Variants in PDE11A observed in about 807,000 individuals in gnomAD.
PDE11A encodes the protein dual 3',5'-cyclic-AMP and -GMP phosphodiesterase 11A.
PDE11A carries 100 observed loss-of-function variants against 100.5 expected under a neutral mutation model. The observed-to-expected ratio is 1.00, with a 90% CI of 0.85 to 1.18. The LOEUF (loss-of-function observed/expected upper bound fraction) is 1.18. Ranked by LOEUF, PDE11A falls within the 50% of genes most tolerant of loss-of-function variation. PDE11A has a pLI of 0.00. For synonymous variants in PDE11A, 381 were observed against 420.8 expected, an observed-to-expected ratio of 0.91 and a Z score of 1.16; for missense variants, 1,141 against 1,152.6, an observed-to-expected ratio of 0.99 and a Z score of 0.15.
chr2:177,691,193 A>C (rs2081035699), intron 15 of PDE11A, among the ~76,000 whole-genome samples: 1 of 152,216 alleles, frequency 6.6e-6, no homozygotes, highest in Admixed American at 6.5e-5. Flanking sequence ...GTTGAGGATC[A>C]GTGCTAAACT....
At chr2:177,676,371 G>T (rs1403028505) in intron 16 of PDE11A, among the ~76,000 whole-genome samples, 5 of 152,188 alleles carry the variant, frequency 3.3e-5, no homozygotes, top group African/African-American at 1.2e-4. Context: ...ATTTGAGCTG[G>T]GGAACCACAT....
intron 5 of PDE11A, among the ~76,000 whole-genome samples, chr2:177,872,736 G>A (rs2084160303): frequency 6.6e-6 from 1 of 152,134 alleles, no homozygotes. Flanking sequence ...AAAGGTTAAA[G>A]GAAAGATCAG....
At chr2:177,959,354 G>T (rs1490620093) in intron 2 of PDE11A, among the ~76,000 whole-genome samples, 1 of 152,138 alleles carries the variant, frequency 6.6e-6, no homozygotes, top group Non-Finnish European at 1.5e-5. Context: ...TGCCAAAAGT[G>T]CCCGTGGCAG....
intron 5 of PDE11A, among the ~76,000 whole-genome samples, chr2:177,847,846 C>T (rs1041478186): frequency 1.3e-5 from 2 of 152,156 alleles, no homozygotes; most frequent in African/African-American, 4.8e-5. Context: ...TTGCCCATAC[C>T]CCTCTCTGTA....
Position 177,800,133 on chromosome 2 carries a change from T to TA in PDE11A, c.1737+16695dup, listed in dbSNP as rs987341603. Reference sequence around the variant, plus strand: ...ATCCTAATAGTCTCAGAACAAAGGTTAAAAAAAAACCTTAAGAATAATCCT... The same window carrying TA: ...ATCCTAATAGTCTCAGAACAAAGGTTAAAAAAAAAACCTTAAGAATAATCCT... On this transcript the variant is annotated intron_variant, in intron 9 of 19. Transcript: ENST00000286063. Among the ~76,000 whole-genome samples, 18 of 149,488 alleles carry TA rather than the reference T, an allele frequency of 1.2e-4. No individual in the cohort carries two copies. In the East Asian group the frequency reaches 1.4e-3, roughly 11 times the overall value.
At chr2:177,788,836 C>T (rs2105531010) in intron 9 of PDE11A, among the ~76,000 whole-genome samples, 1 of 152,074 alleles carries the variant, frequency 6.6e-6, no homozygotes, top group East Asian at 1.9e-4. Context: ...AAGACTAAAC[C>T]AGGAAGAAGT....
intron 4 of PDE11A, among the ~76,000 whole-genome samples, chr2:177,893,323 A>T (rs150232787): frequency 1.3e-5 from 2 of 151,638 alleles, no homozygotes; most frequent in African/African-American, 4.8e-5. Context: ...TGATTTTCGG[A>T]GGTGTTGTTT....
At chr2:177,896,069 G>C (rs565065361) in intron 4 of PDE11A, among the ~76,000 whole-genome samples, 26 of 152,238 alleles carry the variant, frequency 1.7e-4, no homozygotes, top group African/African-American at 4.3e-4. Flanking sequence ...ATGAGGAGTG[G>C]TTCAGAATTT....
intron 1 of PDE11A, among the ~76,000 whole-genome samples, chr2:178,040,527 A>G (rs762131176): frequency 2.0e-5 from 3 of 152,170 alleles, no homozygotes; most frequent in Non-Finnish European, 4.4e-5. Flanking sequence ...GTCCTTTCCG[A>G]TATGTTCAGC....
intron 7 of PDE11A, among the ~76,000 whole-genome samples, chr2:177,819,835 C>T (rs530497341): frequency 1.5e-5 from 2 of 129,658 alleles, no homozygotes; most frequent in Admixed American, 1.5e-4. Flanking sequence ...TTGTGGCCTT[C>T]TTGAAGTCAT....
At chr2:178,097,660 G>A (rs908053668) in intron 2 of PDE11A, among the ~76,000 whole-genome samples, 6 of 152,162 alleles carry the variant, frequency 3.9e-5, no homozygotes, top group Non-Finnish European at 8.8e-5. Context: ...TGATAAAACA[G>A]AAACATATAA....
chr2:177,765,156 A>G (rs1387990468), intron 10 of PDE11A, among the ~76,000 whole-genome samples: 1 of 152,216 alleles, frequency 6.6e-6, no homozygotes, highest in African/African-American at 2.4e-5. Context: ...TAATAGGGTT[A>G]TCAGAACAAA....
intron 2 of PDE11A, among the ~76,000 whole-genome samples, chr2:178,096,578 C>T (rs2087494699): frequency 6.6e-6 from 1 of 152,114 alleles, no homozygotes; most frequent in South Asian, 2.1e-4. Flanking sequence ...CTACCAGATA[C>T]CCTAAATCAT....
intron 10 of PDE11A, among the ~76,000 whole-genome samples, chr2:177,741,640 A>G (rs1338876401): frequency 6.6e-6 from 1 of 152,208 alleles, no homozygotes; most frequent in Non-Finnish European, 1.5e-5. Flanking sequence ...GCAACCTAGA[A>G]AGGCTTTTTC....
intron 2 of PDE11A, among the ~76,000 whole-genome samples, chr2:177,906,288 C>G (rs968514556): frequency 2.0e-5 from 3 of 152,096 alleles, no homozygotes; most frequent in African/African-American, 4.8e-5. Flanking sequence ...GTGCAGTGCC[C>G]GCTGTGGGTG....
At chr2:177,715,165 G>A (rs762596236) in intron 12 of PDE11A, among the ~76,000 whole-genome samples, 4 of 152,128 alleles carry the variant, frequency 2.6e-5, no homozygotes, top group African/African-American at 9.7e-5. Context: ...TTCTATTCTC[G>A]TACTCAGTGT....
intron 9 of PDE11A, among the ~76,000 whole-genome samples, chr2:177,772,792 A>T (rs2105506612): frequency 6.6e-6 from 1 of 151,848 alleles, no homozygotes; most frequent in African/African-American, 2.4e-5. Context: ...ACAGATTAAG[A>T]CTTTTGCTCA....
chr2:177,821,946 T>C (rs1216821963), intron 6 of PDE11A, among the ~76,000 whole-genome samples: 1 of 151,662 alleles, frequency 6.6e-6, no homozygotes, highest in African/African-American at 2.4e-5. Flanking sequence ...TTGTCTGATT[T>C]TTAAAAATTG....
chr2:177,936,284 A>C (rs1427674197), intron 2 of PDE11A, among the ~76,000 whole-genome samples: 1 of 152,198 alleles, frequency 6.6e-6, no homozygotes, highest in Non-Finnish European at 1.5e-5. Flanking sequence ...TCTATTTTGA[A>C]CTTGGCTGTA....
Sources: allele counts gnomAD v4.1 joint callset (sites outside exome capture counted in the v4.1 genomes callset), GRCh38; gene constraint gnomAD v4.1.1; transcripts MANE v1.5; gene names NCBI Gene and HGNC (gene_info 2026-07-23, HGNC 2026-07-21).